Variants in COL4A1 observed in about 807,000 individuals in gnomAD.
COL4A1 encodes collagen type IV alpha 1 chain.
In COL4A1, 40 loss-of-function variants were observed where a neutral mutation model predicts 216.6. That is an observed-to-expected ratio of 0.18 (90% confidence interval 0.14 to 0.24). The LOEUF is 0.24. Among genes scored for constraint, COL4A1 ranks in the 10% least tolerant of loss-of-function variants. The pLI is 1.00. For missense variants in COL4A1, 1,628 were observed against 2,196.8 expected (o/e 0.74, Z 5.18); for synonymous variants, 839 against 810.7 (o/e 1.03, Z -0.59).
chr13:110,266,416 C>A, intron 1 of COL4A1, among the ~76,000 whole-genome samples: 1 of 152,320 alleles, frequency 6.6e-6, no homozygotes, highest in Middle Eastern at 3.4e-3. Flanking sequence ...GGCTGCCAAC[C>A]CCCGGTCCTC....
intron 1 of COL4A1, among the ~76,000 whole-genome samples, chr13:110,275,914 A>C (rs1455995463): frequency 6.6e-6 from 1 of 152,170 alleles, no homozygotes; most frequent in Non-Finnish European, 1.5e-5. Context: ...GTAAGGGGGT[A>C]GGGATGAATA....
At chr13:110,229,685 G>A (rs1377532244) in intron 2 of COL4A1, among the ~76,000 whole-genome samples, 4 of 152,168 alleles carry the variant, frequency 2.6e-5, no homozygotes, top group African/African-American at 4.8e-5. Flanking sequence ...CCGCCCTCGC[G>A]CTGCCTATGA....
chr13:110,281,715 A>G (rs773531636), intron 1 of COL4A1, among the ~76,000 whole-genome samples: 30 of 152,230 alleles, frequency 2.0e-4, no homozygotes, highest in Non-Finnish European at 3.4e-4. Context: ...CTCTCAGCCA[A>G]TGAATTTTCA....
rs375874964 is a variant in COL4A1, at chr13:110,242,739, A to G, written c.85-5T>C. On this transcript the variant is annotated splice_region_variant and splice_polypyrimidine_tract_variant and intron_variant, in intron 1 of 51. Transcript: ENST00000375820. ...GCCAGAGCCAGCACAGCCACCCTGG[A>G]AGGAAAAGAAAACTTCTTTAAATAG... 3 of 1,614,042 alleles carry G rather than the reference A, an allele frequency of 1.9e-6. No homozygotes were observed. Among genetic ancestry groups the G allele is most frequent in the Non-Finnish European group, 2.5e-6 (3 of 1,180,008 alleles).
Position 110,192,813 on chromosome 13 carries a change from T to C in COL4A1, c.1465+17A>G. On this transcript the variant is annotated intron_variant, in intron 23 of 51. Transcript: ENST00000375820. The stretch of plus-strand genomic sequence containing the variant: ...AAAGCAAACTCTGACCTGGTCCTTT[T>C]CACATGTGGGTCTTACCTATTTCTC... 6.2e-7 allele frequency: 1 copy of C among 1,611,050 alleles called. No homozygotes were observed. Among genetic ancestry groups the C allele is most frequent in the East Asian group, 2.2e-5 (1 of 44,856 alleles).
intron 1 of COL4A1, among the ~76,000 whole-genome samples, chr13:110,252,615 G>C (rs1456222792): frequency 9.1e-5 from 2 of 21,930 alleles, no homozygotes; most frequent in Non-Finnish European, 1.7e-4. Flanking sequence ...TATTATATAT[G>C]TATAATTGTA....
chr13:110,177,391 T>C (rs570452911), intron 33 of COL4A1, among the ~76,000 whole-genome samples: 32 of 152,210 alleles, frequency 2.1e-4, no homozygotes, highest in Non-Finnish European at 4.3e-4. Context: ...AATTTTATCA[T>C]TCTACAAAAC....
intron 1 of COL4A1, among the ~76,000 whole-genome samples, chr13:110,278,166 A>C (rs1039461476): frequency 2.0e-5 from 3 of 152,208 alleles, no homozygotes; most frequent in African/African-American, 7.2e-5. Context: ...GGTATAAATG[A>C]TAATCTCATA....
chr13:110,240,149 T>C (rs898411758), intron 2 of COL4A1, among the ~76,000 whole-genome samples: 3 of 152,146 alleles, frequency 2.0e-5, no homozygotes, highest in African/African-American at 7.2e-5. Flanking sequence ...AAATCACAAA[T>C]TCAGAATGGT....
chr13:110,159,326 T>C (rs1303772872), intron 49 of COL4A1, among the ~76,000 whole-genome samples: 2 of 152,212 alleles, frequency 1.3e-5, no homozygotes, highest in South Asian at 2.1e-4. Context: ...TATAATTTTA[T>C]GTATAAAGCA....
chr13:110,163,851 G>T (rs1284916259), intron 46 of COL4A1, among the ~76,000 whole-genome samples: 1 of 152,094 alleles, frequency 6.6e-6, no homozygotes, highest in Non-Finnish European at 1.5e-5. Context: ...GATGTGGAGG[G>T]AATGAGAGAC....
chr13:110,292,554 A>G (rs1884128500), intron 1 of COL4A1, among the ~76,000 whole-genome samples: 2 of 152,254 alleles, frequency 1.3e-5, no homozygotes, highest in African/African-American at 4.8e-5. Flanking sequence ...ACAGTTCTAC[A>G]TAGCTGGAAG....
intron 2 of COL4A1, among the ~76,000 whole-genome samples, chr13:110,227,254 C>A (rs1156798944): frequency 1.3e-5 from 2 of 151,996 alleles, no homozygotes; most frequent in East Asian, 3.9e-4. Flanking sequence ...TTACAGTTTG[C>A]AAATTATGAG....
At chr13:110,178,312 A>C (rs751583002) in intron 31 of COL4A1, 81 bp from the exon 32 acceptor site, 6 of 1,576,100 alleles carry the variant, frequency 3.8e-6, no homozygotes, top group Non-Finnish European at 5.2e-6. Context: ...TTTAACTATG[A>C]CTTTCTGCAG....
intron 10 of COL4A1, 39 bp from the exon 11 acceptor site, chr13:110,209,466 C>T: frequency 2.8e-6 from 4 of 1,429,710 alleles, no homozygotes; most frequent in Non-Finnish European, 3.9e-6. Context: ...GGATTCAGAA[C>T]TCTAGGGAGC....
chr13:110,176,569 A>T, intron 35 of COL4A1, 56 bp from the exon 36 acceptor site: 1 of 1,593,892 alleles, frequency 6.3e-7, no homozygotes, highest in Non-Finnish European at 8.6e-7. Flanking sequence ...AGAGCTGGGG[A>T]ACACAGGCCT....
chr13:110,260,128 A>G (rs1393796980), intron 1 of COL4A1, among the ~76,000 whole-genome samples: 1 of 152,064 alleles, frequency 6.6e-6, no homozygotes, highest in African/African-American at 2.4e-5. Flanking sequence ...CATACCCAAG[A>G]CTGGGTAATT....
intron 1 of COL4A1, among the ~76,000 whole-genome samples, chr13:110,291,773 G>A (rs1239058753): frequency 6.6e-6 from 1 of 152,170 alleles, no homozygotes; most frequent in Non-Finnish European, 1.5e-5. Context: ...GGTTCCTAGA[G>A]GGATCATAAT....
chr13:110,290,255 C>T (rs908372990), intron 1 of COL4A1, among the ~76,000 whole-genome samples: 1 of 152,176 alleles, frequency 6.6e-6, no homozygotes, highest in African/African-American at 2.4e-5. Flanking sequence ...CACACGTGAG[C>T]GCGTTGCAAG....
Sources: allele counts gnomAD v4.1 joint callset (sites outside exome capture counted in the v4.1 genomes callset), GRCh38; gene constraint gnomAD v4.1.1; transcripts MANE v1.5; gene names NCBI Gene and HGNC (gene_info 2026-07-23, HGNC 2026-07-21).